Variants in EFNA2 observed in about 807,000 individuals in gnomAD.
EFNA2 encodes the protein ephrin A2.
In EFNA2, 18 loss-of-function variants were observed where a neutral mutation model predicts 19.7. The ratio of observed to expected loss-of-function variants is 0.91; its 90% CI spans 0.63 to 1.35. The LOEUF (loss-of-function observed/expected upper bound fraction) is 1.35, where lower values mean the gene tolerates loss of function less well. Ranked by LOEUF, EFNA2 falls within the 40% of genes most tolerant of loss-of-function variation. The pLI, the probability that EFNA2 is intolerant of heterozygous loss-of-function variation, is 0.00. For synonymous variants in EFNA2, 187 were observed against 137.8 expected (o/e 1.36, Z -2.50); for missense variants, 303 against 296.0 (o/e 1.02, Z -0.17).
chr19:1,297,083 C>T lies in EFNA2; in HGVS notation c.454+1225C>T, dbSNP rs746600646. 1.3e-5 allele frequency among the ~76,000 whole-genome samples: 2 copies of T among 152,186 alleles called. No homozygotes were observed. The highest frequency in any genetic ancestry group is 2.9e-5 in the Non-Finnish European group (2 of 68,028). Reference sequence around the variant, plus strand: ...GAGATGGGGATGATGGCATCACACTCGTGGCTTCCGCCGTGGCGCTGAGAC... The same window carrying T: ...GAGATGGGGATGATGGCATCACACTTGTGGCTTCCGCCGTGGCGCTGAGAC... On this transcript the variant is annotated intron_variant, in intron 2 of 3. Coordinates refer to ENST00000215368, the MANE Select transcript of EFNA2 (RefSeq NM_001405.4). The surrounding 1 kb of genome is among the most constrained non-coding windows in gnomAD (Gnocchi z 5.0).
At position 1,295,871 on chromosome 19, in the gene EFNA2, G is replaced by A. The variant is rs1231956213; in HGVS notation, c.454+13G>A. 1.3e-6 allele frequency: 2 copies of A among 1,566,120 alleles called. No individual in the cohort carries two copies. The highest frequency in any genetic ancestry group is 1.7e-6 in the Non-Finnish European group (2 of 1,163,880). ...TATTACTACATCTGTGAGTGGGGTC[G>A]GGCCGGGGCTGCCGGGGCCCGAGTG... is the stretch of plus-strand genomic sequence containing the variant. On this transcript the variant is annotated intron_variant, in intron 2 of 3. Transcript: ENST00000215368. The surrounding 1 kb of genome is among the most constrained non-coding windows in gnomAD (Gnocchi z 5.8).
chr19:1,288,465 G>A (rs949418088), intron 1 of EFNA2, among the ~76,000 whole-genome samples: 16 of 152,044 alleles, frequency 1.1e-4, no homozygotes, highest in Non-Finnish European at 4.4e-5. Context: ...GATGGGGTCG[G>A]GCAGGTGTGT....
At chr19:1,298,512 G>C (rs762661491) in intron 2 of EFNA2, 39 bp from the exon 3 acceptor site, 1 of 1,608,770 alleles carries the variant, frequency 6.2e-7, no homozygotes, top group South Asian at 1.1e-5. Flanking sequence ...CAGGCACCAA[G>C]AGGCACTTCC....
chr19:1,289,824 C>T (rs2081482969), intron 1 of EFNA2, among the ~76,000 whole-genome samples: 3 of 152,142 alleles, frequency 2.0e-5, no homozygotes, highest in Admixed American at 6.5e-5. Context: ...TCTCGCTCCC[C>T]GTGGCTCCGC....
Position 1,286,195 on chromosome 19 carries a change from CCCGCTGCTGCTCCTGCTGTTACCGCTG to C in EFNA2, c.32_58del (p.Leu11_Pro19del). ...TGGCGCCCGCGCAGCGCCCGCTGCT[CCCGCTGCTGCTCCTGCTGTTACCGCTG>C]CCGCCGCCGCCCTTCGCGCGCGCCG... On this transcript the variant is annotated inframe_deletion, in exon 1 of 4. Coordinates refer to ENST00000215368, the MANE Select transcript of EFNA2 (RefSeq NM_001405.4). The surrounding 1 kb of genome is among the most constrained non-coding windows in gnomAD (Gnocchi z 5.6). 9.6e-7 allele frequency: 1 copy of C among 1,046,560 alleles called. No individual in the cohort carries two copies. The highest frequency in any genetic ancestry group is 1.2e-6 in the Non-Finnish European group (1 of 867,454). 64.8% of individuals were successfully genotyped at this position (1,046,560 alleles called of 1,614,324 possible). A position where few individuals can be genotyped will look rare whatever the true frequency, so the allele number is the denominator to read the frequency against.
Position 1,300,335 on chromosome 19 carries a change from G to T in EFNA2, c.*390G>T, listed in dbSNP as rs1390021799. On this transcript the variant is annotated 3_prime_UTR_variant, in exon 4 of 4. Transcript: ENST00000215368. The stretch of plus-strand genomic sequence containing the variant: ...GAGTTTTTAATTTAATTTATTCCCT[G>T]CCGTTGTAGCGGGGCGGGGTCCCTG... 4.6e-5 allele frequency: 7 copies of T among 150,820 alleles called. No homozygotes were observed. The highest frequency in any genetic ancestry group is 9.7e-5 in the Non-Finnish European group (7 of 72,376). 9.3% of individuals were successfully genotyped at this position (150,820 alleles called of 1,614,324 possible). A position where few individuals can be genotyped will look rare whatever the true frequency, so the allele number is the denominator to read the frequency against.
intron 3 of EFNA2, 97 bp downstream of exon 3, chr19:1,298,713 C>G (rs2081527163): frequency 1.5e-6 from 2 of 1,377,286 alleles, no homozygotes; most frequent in South Asian, 2.5e-5. Flanking sequence ...GACAGGGGGC[C>G]TCGGGTTTCC....
intron 1 of EFNA2, among the ~76,000 whole-genome samples, chr19:1,288,913 C>A (rs2081478598): frequency 6.6e-6 from 1 of 152,240 alleles, no homozygotes; most frequent in African/African-American, 2.4e-5. Context: ...CCCAGCCGAC[C>A]CGCATCGGGC....
chr19:1,287,852 T>C lies in EFNA2; in HGVS notation c.140+1544T>C, dbSNP rs2081473389. On this transcript the variant is annotated intron_variant, in intron 1 of 3. Transcript: ENST00000215368. The surrounding 1 kb of genome is among the most constrained non-coding windows in gnomAD (Gnocchi z 6.2). ...CCCCAGCGTGGCCTGTCCTTTGTTC[T>C]AGCAAACGCCAAACACACGAGGACC... is the stretch of plus-strand genomic sequence containing the variant. Among the ~76,000 whole-genome samples the C allele has an allele frequency of 6.6e-6, 1 of 152,192 alleles. No homozygotes were observed. The highest frequency in any genetic ancestry group is 1.5e-5 in the Non-Finnish European group (1 of 68,022).
chr19:1,299,951 G>A lies in EFNA2; in HGVS notation c.*6G>A, dbSNP rs570242428. The A allele has an allele frequency of 5.6e-6, 9 of 1,597,576 alleles. No homozygotes were observed. The South Asian group carries it at 7.8e-5, about 14-fold the overall frequency. On this transcript the variant is annotated 3_prime_UTR_variant, in exon 4 of 4. Transcript: ENST00000215368. ...GGACCCTCCTGGGTTCCTAGTCCCA[G>A]CCCCGCAGGACGCCGACCCTGCCTG... is the stretch of plus-strand genomic sequence containing the variant.
intron 1 of EFNA2, among the ~76,000 whole-genome samples, chr19:1,288,507 G>A (rs2081476457): frequency 6.6e-6 from 1 of 152,106 alleles, no homozygotes; most frequent in Non-Finnish European, 1.5e-5. Context: ...TCTTTGAGAG[G>A]GGCATACAGA....
rs10424501 is a variant in EFNA2, at chr19:1,297,503, G to A, written c.455-1048G>A. Among the ~76,000 whole-genome samples, 10,122 of 152,030 alleles carry A rather than the reference G, an allele frequency of 0.067. 403 individuals are homozygous for A. Among genetic ancestry groups the A allele is most frequent in the Middle Eastern group, 0.13 (38 of 292 alleles). On this transcript the variant is annotated intron_variant, in intron 2 of 3. Coordinates refer to ENST00000215368, the MANE Select transcript of EFNA2 (RefSeq NM_001405.4). This position sits in a 1 kb window ranked among gnomAD's most constrained non-coding sequence, Gnocchi z 5.0. ...CATCTTCCAGTGTGAGGGGTTTCTA[G>A]GGGGCGGGCAGAGGTGGTGGCCATG...
upstream of EFNA2, among the ~76,000 whole-genome samples, chr19:1,285,860 C>T (rs1210987935): frequency 2.0e-5 from 3 of 146,814 alleles, no homozygotes; most frequent in South Asian, 2.1e-4. This position sits in a 1 kb window ranked among gnomAD's most constrained non-coding sequence, Gnocchi z 4.1. Flanking sequence ...GACGCTCGGG[C>T]GGGACAAAGG....
At chr19:1,292,864 A>G (rs970810670) in intron 1 of EFNA2, among the ~76,000 whole-genome samples, 1 of 152,198 alleles carries the variant, frequency 6.6e-6, no homozygotes, top group African/African-American at 2.4e-5. Flanking sequence ...CCGCTCAGCC[A>G]CACAGAAGCC....
At chr19:1,284,453 A>G (rs1429167008), upstream of EFNA2, among the ~76,000 whole-genome samples, 3 of 152,252 alleles carry the variant, frequency 2.0e-5, no homozygotes, top group Non-Finnish European at 1.5e-5. The surrounding 1 kb of genome is among the most constrained non-coding windows in gnomAD (Gnocchi z 5.3). Flanking sequence ...TTGTCCTGGC[A>G]GGGACGCTAG....
chr19:1,290,631 G>A (rs116799692), intron 1 of EFNA2, among the ~76,000 whole-genome samples: 2,289 of 152,180 alleles, frequency 0.015, 65 homozygotes, highest in African/African-American at 0.053. Context: ...TGTGTTCCCC[G>A]GGACACGGCT....
chr19:1,298,434 GT>G, intron 2 of EFNA2, 116 bp from the exon 3 acceptor site: 1 of 950,476 alleles, frequency 1.1e-6, no homozygotes, highest in Non-Finnish European at 1.6e-6. Flanking sequence ...AGTTTTAAGG[GT>G]GGCTCTCCAC....
Position 1,295,834 on chromosome 19 carries a change from C to T in EFNA2, c.430C>T (p.Pro144Ser), listed in dbSNP as rs1334499438. ...CTTCTCCCTGGGCTTCGAGTTCCGG[C>T]CCGGCCACGAGTATTACTACATCTG... ...TPFSLGFEFR[P>S]GHEYYYISAT... Residue 144 changes from proline to serine, a missense_variant, in exon 2 of 4, where the codon CCC becomes TCC. Pro to Ser is a moderately conservative substitution (Grantham distance 74). Transcript: ENST00000215368. The surrounding 1 kb of genome is among the most constrained non-coding windows in gnomAD (Gnocchi z 5.8). The T allele has an allele frequency of 6.2e-7, 1 of 1,605,738 alleles. No individual in the cohort carries two copies. The highest frequency in any genetic ancestry group is 1.3e-5 in the African/African-American group (1 of 74,172).
Position 1,286,956 on chromosome 19 carries a change from C to T in EFNA2, c.140+648C>T, listed in dbSNP as rs1464973535. Among the ~76,000 whole-genome samples the T allele has an allele frequency of 1.3e-5, 2 of 152,116 alleles. No homozygotes were observed. Among genetic ancestry groups the T allele is most frequent in the African/African-American group, 2.4e-5 (1 of 41,426 alleles). On this transcript the variant is annotated intron_variant, in intron 1 of 3. Coordinates refer to ENST00000215368, the MANE Select transcript of EFNA2 (RefSeq NM_001405.4). The surrounding 1 kb of genome is among the most constrained non-coding windows in gnomAD (Gnocchi z 5.6). ...TCCTCTCTTGTCCTCTGGGCGCTGA[C>T]CAGGAAACTGAGGTGCAGAGGGGAT... is the stretch of plus-strand genomic sequence containing the variant.
Sources: allele counts gnomAD v4.1 joint callset (sites outside exome capture counted in the v4.1 genomes callset), GRCh38; gene constraint gnomAD v4.1.1; non-coding constraint Gnocchi (gnomAD v3.1); transcripts MANE v1.5; gene names NCBI Gene and HGNC (gene_info 2026-07-23, HGNC 2026-07-21).